MTMR2: variants seen among roughly 807,000 people sequenced by gnomAD.
The protein encoded by MTMR2 is phosphatidylinositol-3,5-bisphosphate 3-phosphatase MTMR2.
A neutral mutation model predicts 86.9 loss-of-function variants in MTMR2; 55 were observed. The observed-to-expected ratio is 0.63, with a 90% CI of 0.51 to 0.79. The LOEUF is 0.79. Among genes scored for constraint, MTMR2 ranks in the 30% least tolerant of loss-of-function variants. The pLI is 0.00. For missense variants in MTMR2, 659 were observed against 772.3 expected (o/e 0.85, Z 1.74); for synonymous variants, 241 against 266.8 (o/e 0.90, Z 0.94).
At position 95,834,464 on chromosome 11, in the gene MTMR2, G is replaced by C. The variant is rs1263727368; in HGVS notation, c.*826C>G. 1 of 152,022 alleles carries C rather than the reference G, an allele frequency of 6.6e-6. No individual in the cohort carries two copies. Among genetic ancestry groups the C allele is most frequent in the Admixed American group, 6.6e-5 (1 of 15,236 alleles). The allele number at this position is 152,022 out of a possible 1,614,324, so 9.4% of individuals were successfully genotyped here. ...ATTTTTAAATACTTCTTAAAAACTT[G>C]CTAATTAGCTTCTGTGTGTTCAGAC... On this transcript the variant is annotated 3_prime_UTR_variant, in exon 15 of 15. Transcript: ENST00000346299.
At chr11:95,906,177 A>G (rs1364273008) in intron 1 of MTMR2, among the ~76,000 whole-genome samples, 1 of 152,252 alleles carries the variant, frequency 6.6e-6, no homozygotes, top group African/African-American at 2.4e-5. Context: ...GTGAGCCGAG[A>G]TAGTGCCATT....
At chr11:95,866,780 T>A (rs1864634060) in intron 2 of MTMR2, among the ~76,000 whole-genome samples, 2 of 149,836 alleles carry the variant, frequency 1.3e-5, no homozygotes, top group South Asian at 4.3e-4. Context: ...GAAGATGGGG[T>A]TAAAAAGGCA....
At chr11:95,844,722 C>T (rs992443530) in intron 11 of MTMR2, among the ~76,000 whole-genome samples, 1 of 152,064 alleles carries the variant, frequency 6.6e-6, no homozygotes, top group African/African-American at 2.4e-5. Flanking sequence ...CCGATGTTTC[C>T]CAGTGGAGAT....
At chr11:95,900,991 T>C (rs1866055480) in intron 1 of MTMR2, among the ~76,000 whole-genome samples, 1 of 152,192 alleles carries the variant, frequency 6.6e-6, no homozygotes, top group Admixed American at 6.6e-5. Flanking sequence ...CCTGGAATTC[T>C]TTGCTCTCTA....
chr11:95,852,394 A>G (rs1590987089), intron 7 of MTMR2, among the ~76,000 whole-genome samples: 1 of 152,360 alleles, frequency 6.6e-6, no homozygotes, highest in East Asian at 1.9e-4. Context: ...AAAGAGCAGA[A>G]TGTACTCTCC....
Position 95,924,043 on chromosome 11 carries a change from GGCCGCAGTCAGGCCAGC to G in MTMR2, c.-106_-90del. On this transcript the variant is annotated 5_prime_UTR_variant, in exon 1 of 15. The change abolishes the stop of an existing upstream ORF in the 5' untranslated region. Coordinates refer to ENST00000346299, the MANE Select transcript of MTMR2 (RefSeq NM_016156.6). ...CGGAGGGCGGAGTGCTACGGACCGG[GGCCGCAGTCAGGCCAGC>G]GCCGGCCCGGGAGGGAGACCGGAAG... 2 of 1,507,522 alleles carry G rather than the reference GGCCGCAGTCAGGCCAGC, an allele frequency of 1.3e-6. No individual in the cohort carries two copies. Among genetic ancestry groups the G allele is most frequent in the Middle Eastern group, 2.2e-4 (1 of 4,564 alleles). 93.4% of individuals were successfully genotyped at this position (1,507,522 alleles called of 1,614,324 possible).
chr11:95,910,170 TCAATCAG>T (rs769012724), intron 1 of MTMR2, among the ~76,000 whole-genome samples: 6 of 150,520 alleles, frequency 4.0e-5, no homozygotes, highest in Non-Finnish European at 8.9e-5. Context: ...TTTTATATAG[TCAATCAG>T]AAGACAGACC....
At chr11:95,845,882 T>TAAAAA (rs201863810) in intron 10 of MTMR2, among the ~76,000 whole-genome samples, 7 of 90,070 alleles carry the variant, frequency 7.8e-5, no homozygotes, top group Admixed American at 3.6e-4. Context: ...TATGGTATCT[T>TAAAAA]AAAAAAAAAA....
intron 1 of MTMR2, among the ~76,000 whole-genome samples, chr11:95,908,261 A>T (rs928834304): frequency 2.6e-5 from 4 of 152,166 alleles, no homozygotes; most frequent in Admixed American, 1.3e-4. Context: ...TAAAAAAAAT[A>T]CCTAGGAATA....
At chr11:95,899,187 G>C (rs1197611405) in intron 1 of MTMR2, among the ~76,000 whole-genome samples, 3 of 152,058 alleles carry the variant, frequency 2.0e-5, no homozygotes, top group Non-Finnish European at 2.9e-5. Context: ...GCCTAAACTA[G>C]CAATAAAAAT....
At chr11:95,922,186 G>C (rs1167905795) in intron 1 of MTMR2, among the ~76,000 whole-genome samples, 16 of 152,148 alleles carry the variant, frequency 1.1e-4, no homozygotes, top group African/African-American at 3.9e-4. Context: ...AGACTAGAAA[G>C]TCTAAATGAA....
intron 1 of MTMR2, among the ~76,000 whole-genome samples, chr11:95,917,103 T>C (rs1866738939): frequency 6.6e-6 from 1 of 152,220 alleles, no homozygotes; most frequent in South Asian, 2.1e-4. Context: ...TTTGACTTCC[T>C]GTGGAAAGCA....
chr11:95,896,643 A>T (rs1204306522), intron 1 of MTMR2, among the ~76,000 whole-genome samples: 1 of 152,134 alleles, frequency 6.6e-6, no homozygotes, highest in Non-Finnish European at 1.5e-5. Context: ...AATGATCAGA[A>T]GATTGAATTA....
At chr11:95,860,501 C>CA (rs372629859) in intron 5 of MTMR2, among the ~76,000 whole-genome samples, 4 of 150,042 alleles carry the variant, frequency 2.7e-5, no homozygotes, top group South Asian at 2.1e-4. Flanking sequence ...ACTCTTGTCT[C>CA]AAAAAAAAAG....
intron 1 of MTMR2, among the ~76,000 whole-genome samples, chr11:95,917,221 T>C (rs1866742364): frequency 6.6e-6 from 1 of 152,204 alleles, no homozygotes; most frequent in South Asian, 2.1e-4. Context: ...GCAAGTACTT[T>C]ACATATTCAA....
intron 2 of MTMR2, among the ~76,000 whole-genome samples, chr11:95,870,731 C>CTTTTTTTTTTT (rs1158293839): frequency 3.9e-4 from 51 of 129,900 alleles, no homozygotes; most frequent in African/African-American, 9.9e-4. Context: ...TTCTTTTTTT[C>CTTTTTTTTTTT]TTTTTCTTTT....
chr11:95,847,615 G>C, intron 10 of MTMR2, 99 bp downstream of exon 10: 2 of 1,097,500 alleles, frequency 1.8e-6, no homozygotes, highest in Non-Finnish European at 2.8e-6. Flanking sequence ...TCATTGTTTA[G>C]AAAGGTACCT....
chr11:95,852,991 C>T (rs759996162), intron 7 of MTMR2, among the ~76,000 whole-genome samples: 4 of 151,528 alleles, frequency 2.6e-5, no homozygotes, highest in African/African-American at 7.3e-5. Flanking sequence ...GCTAAGATCA[C>T]GCCACTGCAC....
chr11:95,850,802 C>G (rs764731616), intron 7 of MTMR2, 53 bp from the exon 8 acceptor site: 1 of 1,539,182 alleles, frequency 6.5e-7, no homozygotes, highest in Admixed American at 1.7e-5. Flanking sequence ...AAATATTAAA[C>G]GACACCAGGA....
Sources: allele counts gnomAD v4.1 joint callset (sites outside exome capture counted in the v4.1 genomes callset), GRCh38; gene constraint gnomAD v4.1.1; transcripts MANE v1.5; gene names NCBI Gene and HGNC (gene_info 2026-07-23, HGNC 2026-07-21).